The following FIG4 variants were observed in gnomAD, a reference collection of about 807,000 sequenced individuals.
FIG4 encodes the protein polyphosphoinositide phosphatase.
A neutral mutation model predicts 118.6 loss-of-function variants in FIG4; 112 were observed. The observed-to-expected ratio is 0.94, with a 90% CI of 0.81 to 1.11. The LOEUF is 1.11. Ranked by LOEUF, FIG4 falls within the 50% of genes least tolerant of loss-of-function variation. The probability of loss-of-function intolerance (pLI) is 0.00; values close to 1 mark genes in which losing one functional copy is unlikely to be tolerated. For synonymous variants in FIG4, 369 were observed against 381.2 expected, an observed-to-expected ratio of 0.97 and a Z score of 0.37; for missense variants, 969 against 1,111.7, an observed-to-expected ratio of 0.87 and a Z score of 1.83.
intron 15 of FIG4, 31 bp downstream of exon 15, chr6:109,766,926 C>G (rs1368324306): frequency 6.3e-7 from 1 of 1,589,050 alleles, no homozygotes; most frequent in South Asian, 1.1e-5. Flanking sequence ...ATTTTTAAGA[C>G]TTACTCTGAA....
intron 10 of FIG4, among the ~76,000 whole-genome samples, chr6:109,757,358 A>G (rs993778329): frequency 6.6e-6 from 1 of 152,270 alleles, no homozygotes; most frequent in Non-Finnish European, 1.5e-5. Flanking sequence ...AGAACCAATG[A>G]CAAAAACTAC....
At chr6:109,700,945 G>C (rs1774884859) in intron 1 of FIG4, among the ~76,000 whole-genome samples, 1 of 152,178 alleles carries the variant, frequency 6.6e-6, no homozygotes, top group Non-Finnish European at 1.5e-5. Flanking sequence ...AAGCATTTCA[G>C]ATAAGGGACA....
At chr6:109,747,850 A>C (rs1776552463) in intron 10 of FIG4, among the ~76,000 whole-genome samples, 1 of 152,104 alleles carries the variant, frequency 6.6e-6, no homozygotes, top group African/African-American at 2.4e-5. Context: ...CAGTGGCAAG[A>C]TCATAGCTCG....
chr6:109,730,393 G>A (rs1027557299), intron 4 of FIG4, among the ~76,000 whole-genome samples: 2 of 152,160 alleles, frequency 1.3e-5, no homozygotes, highest in African/African-American at 2.4e-5. Context: ...CCAAGAGGAT[G>A]TTTTGAGAAT....
intron 22 of FIG4, among the ~76,000 whole-genome samples, chr6:109,814,138 A>G (rs940548584): frequency 6.6e-5 from 10 of 152,100 alleles, no homozygotes; most frequent in African/African-American, 1.7e-4. Context: ...AGTCTGTGCC[A>G]TTACTGATGA....
intron 1 of FIG4, among the ~76,000 whole-genome samples, chr6:109,695,782 A>T (rs1774701016): frequency 6.6e-6 from 1 of 152,200 alleles, no homozygotes; most frequent in African/African-American, 2.4e-5. Context: ...CAGGATCTTG[A>T]TCTCACTTGT....
chr6:109,727,049 G>T, intron 3 of FIG4, 60 bp from the exon 4 acceptor site: 1 of 1,237,348 alleles, frequency 8.1e-7, no homozygotes, highest in Non-Finnish European at 1.2e-6. Flanking sequence ...TTTTAAATAG[G>T]CATCTAAAAG....
At chr6:109,787,616 A>G (rs562231295) in intron 18 of FIG4, among the ~76,000 whole-genome samples, 1 of 152,052 alleles carries the variant, frequency 6.6e-6, no homozygotes, top group Non-Finnish European at 1.5e-5. Context: ...CGGAAAAAAC[A>G]ACATTATTTA....
At chr6:109,825,047 A>G (rs1482076327) in intron 22 of FIG4, 41 bp from the exon 23 acceptor site, 4 of 1,586,474 alleles carry the variant, frequency 2.5e-6, no homozygotes, top group Admixed American at 1.7e-5. Context: ...CCTTCCTTAT[A>G]TTTTCTTTAA....
At chr6:109,703,224 A>G (rs1774957796) in intron 1 of FIG4, among the ~76,000 whole-genome samples, 1 of 152,106 alleles carries the variant, frequency 6.6e-6, no homozygotes, top group Admixed American at 6.6e-5. Context: ...GCCTTATGTC[A>G]TTCTCTTCCA....
At chr6:109,786,274 T>G in intron 17 of FIG4, 28 bp from the exon 18 acceptor site, 3 of 1,598,302 alleles carry the variant, frequency 1.9e-6, no homozygotes, top group Non-Finnish European at 2.6e-6. Context: ...TCTCAGACTT[T>G]TAGAGTAACA....
In FIG4 at chr6:109,760,220, A is replaced by G. The variant is rs747701490; in HGVS notation, c.1138-30A>G. 6.9e-6 allele frequency: 11 copies of G among 1,597,196 alleles called. No individual in the cohort carries two copies. In the African/African-American group the frequency reaches 1.2e-4, roughly 18 times the overall value. Reference sequence around the variant, plus strand: ...TGTTCCTCTGATTTAAGGAAATTAGAACACTGAAAATGTTTAATTTTTGAT... The same window carrying G: ...TGTTCCTCTGATTTAAGGAAATTAGGACACTGAAAATGTTTAATTTTTGAT... On this transcript the variant is annotated intron_variant, in intron 10 of 22. Coordinates refer to ENST00000230124, the MANE Select transcript of FIG4 (RefSeq NM_014845.6).
chr6:109,764,115 G>A, intron 13 of FIG4, 133 bp downstream of exon 13: 1 of 682,092 alleles, frequency 1.5e-6, no homozygotes, highest in East Asian at 2.7e-5. Flanking sequence ...ATTGTTAAAA[G>A]CCTTACTTCT....
At chr6:109,725,678 A>G (rs757239036) in intron 3 of FIG4, among the ~76,000 whole-genome samples, 18 of 152,336 alleles carry the variant, frequency 1.2e-4, no homozygotes, top group Non-Finnish European at 2.1e-4. Flanking sequence ...AGGAATCACC[A>G]CACTGTCTTC....
At chr6:109,824,968 T>C in intron 22 of FIG4, 120 bp from the exon 23 acceptor site, 2 of 908,654 alleles carry the variant, frequency 2.2e-6, no homozygotes, top group Non-Finnish European at 1.8e-6. Flanking sequence ...TCCCAGCAGC[T>C]TGTCAAAAGT....
intron 1 of FIG4, among the ~76,000 whole-genome samples, chr6:109,699,437 G>A (rs1226690304): frequency 2.7e-5 from 4 of 150,690 alleles, no homozygotes; most frequent in Non-Finnish European, 4.4e-5. Flanking sequence ...TGTATTTTCT[G>A]GTTAATTAAT....
rs115117150 is a variant in FIG4 at position 109,722,471 on chromosome 6, C to G, written c.290-4638C>G. 1.4e-3 allele frequency among the ~76,000 whole-genome samples: 212 copies of G among 152,134 alleles called. 2 individuals carry two copies. Among genetic ancestry groups the G allele is most frequent in the African/African-American group, 3.6e-3 (149 of 41,500 alleles). On this transcript the variant is annotated intron_variant, in intron 3 of 22. Coordinates refer to ENST00000230124, the MANE Select transcript of FIG4 (RefSeq NM_014845.6). The stretch of plus-strand genomic sequence containing the variant: ...GCCAATTCTAGAGCAAAAATTCAGA[C>G]AGAGCACCAGGATCCTAGCTTAGAC...
intron 1 of FIG4, among the ~76,000 whole-genome samples, chr6:109,704,114 C>T (rs1454839006): frequency 6.6e-6 from 1 of 152,208 alleles, no homozygotes; most frequent in Non-Finnish European, 1.5e-5. Flanking sequence ...CCCTTCAAAC[C>T]TGTTTCTTCT....
Position 109,765,153 on chromosome 6 carries a change from T to A in FIG4, c.1575T>A (p.Asp525Glu). Residue 525 changes from aspartate to glutamate, a missense_variant, in exon 14 of 23, where the codon GAT becomes GAA. Asp to Glu is a conservative substitution (Grantham distance 45). Transcript: ENST00000230124. ...AACCTAATCTACAGTTTGATACAGA[T>A]GCAGTTAGGTAAGTCTTATTTTTTG... The part of the protein sequence containing the change: ...IDKPNLQFDT[D>E]AVRLFEELYE... The A allele has an allele frequency of 2.5e-6, 4 of 1,614,060 alleles. No homozygotes were observed. Among genetic ancestry groups the A allele is most frequent in the Non-Finnish European group, 3.4e-6 (4 of 1,179,902 alleles).
Sources: allele counts gnomAD v4.1 joint callset (sites outside exome capture counted in the v4.1 genomes callset), GRCh38; gene constraint gnomAD v4.1.1; transcripts MANE v1.5; gene names NCBI Gene and HGNC (gene_info 2026-07-23, HGNC 2026-07-21).